Variants in PTPRQ observed in about 807,000 individuals in gnomAD.
PTPRQ encodes protein tyrosine phosphatase receptor type Q.
A neutral mutation model predicts 246.0 loss-of-function variants in PTPRQ; 199 were observed. That is an observed-to-expected ratio of 0.81 (90% confidence interval 0.72 to 0.91). The LOEUF (loss-of-function observed/expected upper bound fraction) is 0.91. PTPRQ is among the 40% of genes least tolerant of loss of function. PTPRQ has a pLI of 0.00. For missense variants in PTPRQ, 2,624 were observed against 2,528.4 expected (o/e 1.04, Z -0.81); for synonymous variants, 869 against 853.2 (o/e 1.02, Z -0.32).
chr12:80,494,947 C>G lies in PTPRQ; in HGVS notation c.1555C>G (p.Gln519Glu). The G allele has an allele frequency of 6.5e-7, 1 of 1,541,950 alleles. No individual in the cohort carries two copies. The highest frequency in any genetic ancestry group is 8.8e-7 in the Non-Finnish European group (1 of 1,142,648). The change falls in exon 11 of 45, where the codon CAG becomes GAG. Residue 519 changes from glutamine (Q) to glutamate (E), a missense_variant. By Grantham distance (29) the Gln-to-Glu change is conservative (BLOSUM62 2). Coordinates refer to ENST00000644991, the MANE Select transcript of PTPRQ (RefSeq NM_001145026.2). ...AATTCAAACAGTAACTACAAGGAATCAGTATATTACTGACATTGCAGCTGA... is the reference window on the plus strand; with the variant it reads ...AATTCAAACAGTAACTACAAGGAATGAGTATATTACTGACATTGCAGCTGA... ...QTSPVVTTRN[Q>E]YITDIAAEQL...
intron 1 of PTPRQ, among the ~76,000 whole-genome samples, 163 bp from the exon 2 acceptor site, chr12:80,444,578 T>G (rs1288866512): frequency 6.6e-6 from 1 of 151,846 alleles, no homozygotes; most frequent in Admixed American, 6.6e-5. Context: ...AAAAGTTATA[T>G]AACATATTTG....
intron 3 of PTPRQ, among the ~76,000 whole-genome samples, chr12:80,453,313 T>G (rs1028197862): frequency 2.0e-5 from 3 of 152,196 alleles, no homozygotes; most frequent in Non-Finnish European, 4.4e-5. Context: ...TGGTTTGAAT[T>G]TCCTCCTGTA....
chr12:80,578,852 A>G (rs1175688259), intron 25 of PTPRQ, among the ~76,000 whole-genome samples: 1 of 152,088 alleles, frequency 6.6e-6, no homozygotes, highest in African/African-American at 2.4e-5. Context: ...CATTTAATTT[A>G]TCTTTATTTG....
At chr12:80,529,091 G>C (rs890903588) in intron 17 of PTPRQ, among the ~76,000 whole-genome samples, 2 of 152,126 alleles carry the variant, frequency 1.3e-5, no homozygotes, top group Non-Finnish European at 2.9e-5. Flanking sequence ...GCTAGTTTGG[G>C]ATTATTTAAT....
At chr12:80,492,476 A>G (rs978973352) in intron 9 of PTPRQ, among the ~76,000 whole-genome samples, 2 of 151,990 alleles carry the variant, frequency 1.3e-5, no homozygotes, top group African/African-American at 4.8e-5. Context: ...ATTCTACACA[A>G]ATATCCAATA....
chr12:80,467,051 AC>A (rs199640163), intron 6 of PTPRQ, among the ~76,000 whole-genome samples: 4,801 of 152,316 alleles, frequency 0.032, 101 homozygotes, highest in Middle Eastern at 0.085. Flanking sequence ...AAAAGAAACT[AC>A]CATCAGAGTG....
intron 16 of PTPRQ, 89 bp downstream of exon 16, chr12:80,506,759 T>A: frequency 1.3e-5 from 15 of 1,144,362 alleles, no homozygotes; most frequent in Non-Finnish European, 1.8e-5. Context: ...AAAACTCCTC[T>A]AGTCATGGGT....
At chr12:80,455,621 C>G (rs566613772) in intron 3 of PTPRQ, among the ~76,000 whole-genome samples, 1 of 149,088 alleles carries the variant, frequency 6.7e-6, no homozygotes, top group Non-Finnish European at 1.5e-5. Context: ...GATGGACTCT[C>G]GCTCTGTCGC....
chr12:80,619,557 C>T lies in PTPRQ; in HGVS notation c.5389+15C>T. 3.3e-6 allele frequency: 5 copies of T among 1,498,792 alleles called. No homozygotes were observed. The highest frequency in any genetic ancestry group is 4.5e-6 in the Non-Finnish European group (5 of 1,118,312). 92.8% of individuals were successfully genotyped at this position (1,498,792 alleles called of 1,614,324 possible). ...AGAAACAGGAGGTATCATCACATGT[C>T]AATTTATCTTGTTAAATTGTGGAGT... On this transcript the variant is annotated intron_variant, in intron 31 of 44. Transcript: ENST00000644991.
At chr12:80,554,164 T>C (rs1222929579) in intron 25 of PTPRQ, among the ~76,000 whole-genome samples, 2 of 152,066 alleles carry the variant, frequency 1.3e-5, no homozygotes, top group Non-Finnish European at 2.9e-5. Context: ...CACAACAGGG[T>C]GACTAGTCAA....
rs116037212 is a variant in PTPRQ at position 80,524,507 on chromosome 12, A to T, written c.2679-9508A>T. On this transcript the variant is annotated intron_variant, in intron 17 of 44. Transcript: ENST00000644991. ...CAGCAGCGTAAAAACAGAATATTGC[A>T]CAATTTTAGCATTAATTTAGGTCAG... Among the ~76,000 whole-genome samples the T allele has an allele frequency of 8.5e-4, 129 of 152,236 alleles. 3 individuals carry two copies. The highest frequency in any genetic ancestry group is 3.0e-3 in the African/African-American group (124 of 41,536).
chr12:80,487,206 C>G (rs1894305322), intron 9 of PTPRQ, among the ~76,000 whole-genome samples: 1 of 152,038 alleles, frequency 6.6e-6, no homozygotes, highest in African/African-American at 2.4e-5. Flanking sequence ...CTCATTACAT[C>G]TAAATAAATT....
Position 80,678,718 on chromosome 12 carries a change from C to T in PTPRQ, c.6855C>T (p.Ala2285=). 6.5e-7 allele frequency: 1 copy of T among 1,548,264 alleles called. No homozygotes were observed. Among genetic ancestry groups the T allele is most frequent in the Non-Finnish European group, 8.7e-7 (1 of 1,145,224 alleles). ...TTCAGAAGATGGACTCTTTGGACGC[C>T]ATGGAAGGTAAACAGAAACAACAGT... is the stretch of plus-strand genomic sequence containing the variant. ...SALQKMDSLD[A]MEGDVELEWE... is the part of the protein sequence containing the mutation. Residue 2285 remains alanine (A), a synonymous_variant, in exon 44 of 45, where the codon GCC becomes GCT. Transcript: ENST00000644991.
Position 80,588,309 on chromosome 12 carries a change from A to C in PTPRQ, c.4466A>C (p.Gln1489Pro), listed in dbSNP as rs1897683730. ...GAATGTGTTGAATATCAAAAAATTC[A>C]ATACCTCTATGAAGCTCACTTAACT... ...SEECVEYQKI[Q>P]YLYEAHLTEE... The change falls in exon 26 of 45, where the codon CAA becomes CCA. Residue 1489 changes from glutamine (Q) to proline (P), a missense_variant. By Grantham distance (76) the Gln-to-Pro change is moderately conservative. Coordinates refer to ENST00000644991, the MANE Select transcript of PTPRQ (RefSeq NM_001145026.2). 1 of 1,551,506 alleles carries C rather than the reference A, an allele frequency of 6.4e-7. No homozygotes were observed. Among genetic ancestry groups the C allele is most frequent in the Non-Finnish European group, 8.7e-7 (1 of 1,146,936 alleles).
intron 3 of PTPRQ, among the ~76,000 whole-genome samples, chr12:80,446,122 A>C (rs1356887857): frequency 6.6e-6 from 1 of 151,862 alleles, no homozygotes; most frequent in Non-Finnish European, 1.5e-5. Context: ...ATTGACTTGC[A>C]AACTTTATTC....
intron 26 of PTPRQ, among the ~76,000 whole-genome samples, chr12:80,600,028 C>T (rs1477759959): frequency 6.6e-6 from 1 of 151,750 alleles, no homozygotes; most frequent in African/African-American, 2.4e-5. Context: ...TTATCAAGAA[C>T]TTTACTGAAA....
intron 26 of PTPRQ, among the ~76,000 whole-genome samples, chr12:80,598,481 G>A (rs1898041444): frequency 1.3e-5 from 2 of 152,106 alleles, no homozygotes; most frequent in Non-Finnish European, 2.9e-5. Context: ...GCCCTGAATT[G>A]CTTAAGACAC....
At position 80,472,107 on chromosome 12, in the gene PTPRQ, C is replaced by T. The variant is rs112718610; in HGVS notation, c.1042C>T (p.Arg348Cys). ...TAGCTATCTTCCACTTTTTGCAGGT[C>T]GCATTTTGGATAACAGCACAAAAGA... ...YRVELYGPSG[R>C]ILDNSTKDLK... is the part of the protein sequence containing the mutation. Residue 348 changes from arginine (R) to cysteine (C), a missense_variant and splice_region_variant, in exon 8 of 45, where the codon CGC becomes TGC. Physicochemically the swap from Arg to Cys is radical, Grantham distance 180. Coordinates refer to ENST00000644991, the MANE Select transcript of PTPRQ (RefSeq NM_001145026.2). 70 of 1,549,608 alleles carry T rather than the reference C, an allele frequency of 4.5e-5. No individual in the cohort carries two copies. The African/African-American group carries it at 5.9e-4, about 13-fold the overall frequency.
intron 17 of PTPRQ, among the ~76,000 whole-genome samples, chr12:80,524,389 G>A (rs908495539): frequency 4.6e-5 from 7 of 152,068 alleles, no homozygotes; most frequent in African/African-American, 1.7e-4. Context: ...TTTGCCTGCT[G>A]CCATGATTGT....
Sources: gnomAD v4.1 joint callset for allele counts (sites outside exome capture counted in the v4.1 genomes callset) on GRCh38, gnomAD v4.1.1 for gene constraint, MANE v1.5 for transcripts, NCBI Gene and HGNC (gene_info 2026-07-23, HGNC 2026-07-21) for gene names.